Variants in MSANTD2 observed in about 807,000 individuals in gnomAD.
The protein encoded by MSANTD2 is Myb/SANT DNA binding domain containing 2.
A neutral mutation model predicts 52.6 loss-of-function variants in MSANTD2; 19 were observed. That is an observed-to-expected ratio of 0.36 (90% confidence interval 0.25 to 0.53). The LOEUF is 0.53. Among genes scored for constraint, MSANTD2 ranks in the 20% least tolerant of loss-of-function variants. The pLI is 0.91. For synonymous variants in MSANTD2, 291 were observed against 289.7 expected, an observed-to-expected ratio of 1.00 and a Z score of -0.04; for missense variants, 558 against 716.3, an observed-to-expected ratio of 0.78 and a Z score of 2.52.
chr11:124,770,485 A>G (rs1348522160), intron 3 of MSANTD2, among the ~76,000 whole-genome samples: 1 of 151,950 alleles, frequency 6.6e-6, no homozygotes, highest in Non-Finnish European at 1.5e-5. Context: ...TTTTGTGGAG[A>G]TGAGAGTCTA....
intron 2 of MSANTD2, 175 bp from the exon 3 acceptor site, chr11:124,773,229 G>A: frequency 2.0e-6 from 1 of 493,260 alleles, no homozygotes; most frequent in Non-Finnish European, 3.6e-6. Flanking sequence ...ATAATGAGAT[G>A]CATACATTTA....
chr11:124,783,719 T>A (rs1432179328), intron 1 of MSANTD2: 4 of 985,000 alleles, frequency 4.1e-6, no homozygotes, highest in Non-Finnish European at 4.8e-6. Context: ...AGTTCTAAGT[T>A]TTCTAGGTTC....
chr11:124,795,210 C>T (rs1009174224), intron 1 of MSANTD2, among the ~76,000 whole-genome samples: 3 of 152,096 alleles, frequency 2.0e-5, no homozygotes, highest in Non-Finnish European at 4.4e-5. Context: ...GTCTGATGAG[C>T]GACCAGCACT....
In MSANTD2 at chr11:124,795,050, T is replaced by C. The variant is rs189798673; in HGVS notation, c.510+4821A>G. ...TGTGCCACCACGCCCGGCTAATTTT[T>C]TGTATTTTTGGTAGAGACAGGTGTC... On this transcript the variant is annotated intron_variant, in intron 1 of 3. Transcript: ENST00000374979. 1.1e-3 allele frequency among the ~76,000 whole-genome samples: 172 copies of C among 152,146 alleles called. 1 individual carries two copies. Among genetic ancestry groups the C allele is most frequent in the African/African-American group, 2.7e-3 (114 of 41,508 alleles).
At chr11:124,790,706 A>C (rs1945302664) in intron 1 of MSANTD2, 1 of 152,466 alleles carries the variant, frequency 6.6e-6, no homozygotes, top group Non-Finnish European at 1.5e-5. Context: ...CTGGCTTAAA[A>C]TCCTTTGATG....
At chr11:124,790,935 C>T in intron 1 of MSANTD2, 2 of 283,144 alleles carry the variant, frequency 7.1e-6, no homozygotes, top group South Asian at 8.2e-5. Context: ...TAAAAGAACA[C>T]AATGAATGAA....
In MSANTD2 at chr11:124,800,397, G is replaced by T. The variant is rs200299056; in HGVS notation, c.-17C>A. 6.7e-7 allele frequency: 1 copy of T among 1,483,162 alleles called. No homozygotes were observed. The allele number at this position is 1,483,162 out of a possible 1,614,324, so 91.9% of individuals were successfully genotyped here. A position where few individuals can be genotyped will look rare whatever the true frequency, so the allele number is the denominator to read the frequency against. On this transcript the variant is annotated 5_prime_UTR_variant, in exon 1 of 4. Coordinates refer to ENST00000374979, the MANE Select transcript of MSANTD2 (RefSeq NM_001308027.2). The surrounding 1 kb of genome is among the most constrained non-coding windows in gnomAD (Gnocchi z 4.3). Reference sequence around the variant, plus strand: ...CGCAGCCATCTTCCAAGCGGCCGCCGCTGCACCGCCCGGAAGTGACGCGCC... The same window carrying T: ...CGCAGCCATCTTCCAAGCGGCCGCCTCTGCACCGCCCGGAAGTGACGCGCC...
In MSANTD2 at chr11:124,800,009, C is replaced by G; in HGVS notation, c.372G>C (p.Ala124=). Residue 124 remains alanine, a synonymous_variant, in exon 1 of 4, where the codon GCG becomes GCC. Transcript: ENST00000374979. The surrounding 1 kb of genome is among the most constrained non-coding windows in gnomAD (Gnocchi z 4.3). ...AVWGNERLVE[A]RYQQLEGAGT... is the part of the protein sequence containing the mutation. ...CGGCTCCCTCCAGCTGCTGGTACCG[C>G]GCCTCCACCAGCCGCTCGTTGCCCC... 6.3e-7 allele frequency: 1 copy of G among 1,582,604 alleles called. No individual in the cohort carries two copies. Among genetic ancestry groups the G allele is most frequent in the Non-Finnish European group, 8.5e-7 (1 of 1,173,962 alleles).
At chr11:124,775,134 A>G in intron 1 of MSANTD2, 160 bp from the exon 2 acceptor site, 3 of 627,302 alleles carry the variant, frequency 4.8e-6, no homozygotes, top group Non-Finnish European at 7.9e-6. Context: ...TTAGAAAAAA[A>G]TACTAATTTA....
intron 1 of MSANTD2, among the ~76,000 whole-genome samples, chr11:124,793,265 A>G (rs1945389225): frequency 6.6e-6 from 1 of 152,248 alleles, no homozygotes; most frequent in South Asian, 2.1e-4. Context: ...AAACTCACAA[A>G]TAATGATTTA....
intron 2 of MSANTD2, 104 bp from the exon 3 acceptor site, chr11:124,773,158 C>G: frequency 1.5e-6 from 1 of 679,588 alleles, no homozygotes; most frequent in Non-Finnish European, 2.6e-6. Flanking sequence ...CTTTCCAAAA[C>G]CAGGCTTTTA....
chr11:124,791,821 G>A (rs1367948886), intron 1 of MSANTD2: 1 of 512,200 alleles, frequency 2.0e-6, no homozygotes, highest in Non-Finnish European at 3.6e-6. Context: ...CAGGTATTGT[G>A]TTAGGTGCAT....
In MSANTD2 at chr11:124,766,512, TTAA is replaced by T. The variant is rs1455087125; in HGVS notation, c.*661_*663del. On this transcript the variant is annotated 3_prime_UTR_variant, in exon 4 of 4. Coordinates refer to ENST00000374979, the MANE Select transcript of MSANTD2 (RefSeq NM_001308027.2). ...GTACGCCAAGGGGCCAGGAATTACT[TTAA>T]TTTTTTTTTTTTAAAAAAAGGTTTA... 1.2e-5 allele frequency: 1 copy of T among 85,016 alleles called. No individual in the cohort carries two copies. The highest frequency in any genetic ancestry group is 2.4e-4 in the East Asian group (1 of 4,112). 5.3% of individuals were successfully genotyped at this position (85,016 alleles called of 1,614,324 possible).
chr11:124,776,122 ACTTT>A (rs1944732998), intron 1 of MSANTD2: 1 of 152,212 alleles, frequency 6.6e-6, no homozygotes. Context: ...GCTACCAAAT[ACTTT>A]CTAACTCAAC....
intron 1 of MSANTD2, among the ~76,000 whole-genome samples, chr11:124,795,429 A>C (rs1945463703): frequency 6.6e-6 from 1 of 152,234 alleles, no homozygotes; most frequent in South Asian, 2.1e-4. Flanking sequence ...CATCTGGCTC[A>C]GAGTGAATGC....
At chr11:124,776,380 C>A (rs1488198177) in intron 1 of MSANTD2, 1 of 152,390 alleles carries the variant, frequency 6.6e-6, no homozygotes, top group Non-Finnish European at 1.5e-5. Flanking sequence ...CTCACTGCAA[C>A]CTCGCCTTCT....
At chr11:124,794,314 C>G (rs905146833) in intron 1 of MSANTD2, among the ~76,000 whole-genome samples, 14 of 152,220 alleles carry the variant, frequency 9.2e-5, no homozygotes, top group African/African-American at 3.4e-4. Context: ...ACATGTGCTT[C>G]TTAGCTCCTT....
chr11:124,770,517 T>C (rs1378721912), intron 3 of MSANTD2, among the ~76,000 whole-genome samples: 1 of 152,154 alleles, frequency 6.6e-6, no homozygotes, highest in Non-Finnish European at 1.5e-5. Context: ...CAGACTGGTT[T>C]TTAATTCCTG....
At chr11:124,770,819 G>A (rs1016179059) in intron 3 of MSANTD2, among the ~76,000 whole-genome samples, 6 of 146,436 alleles carry the variant, frequency 4.1e-5, no homozygotes, top group African/African-American at 1.3e-4. Context: ...TTGCACCTGC[G>A]TGTCCTGGGT....
Sources: gnomAD v4.1 joint callset for allele counts (sites outside exome capture counted in the v4.1 genomes callset) on GRCh38, gnomAD v4.1.1 for gene constraint, Gnocchi (gnomAD v3.1) non-coding constraint, MANE v1.5 for transcripts, NCBI Gene and HGNC (gene_info 2026-07-23, HGNC 2026-07-21) for gene names.